The following OR56A3 variants were observed in gnomAD, a reference collection of about 807,000 sequenced individuals.
The protein encoded by OR56A3 is olfactory receptor family 56 subfamily A member 3.
OR56A3 carries 23 observed loss-of-function variants against 17.5 expected under a neutral mutation model. That is an observed-to-expected ratio of 1.32 (90% CI 0.95 to 1.87). The LOEUF (loss-of-function observed/expected upper bound fraction) is 1.87, where lower values mean the gene tolerates loss of function less well. OR56A3 is among the 40% of genes most tolerant of loss of function. The pLI is 0.00. For synonymous variants in OR56A3, 175 were observed against 150.6 expected, an observed-to-expected ratio of 1.16 and a Z score of -1.19; for missense variants, 366 against 380.1, an observed-to-expected ratio of 0.96 and a Z score of 0.31.
the OR56A3 span, among the ~76,000 whole-genome samples, chr11:5,962,570 C>T: frequency 1.9e-4 from 27 of 141,352 alleles, no homozygotes; most frequent in Admixed American, 1.5e-4. Flanking sequence ...CTCTCTCTGT[C>T]GCCCAGGCCA....
chr11:6,003,048 G>A, the OR56A3 span: 1 of 1,613,914 alleles, frequency 6.2e-7, no homozygotes, highest in Non-Finnish European at 8.5e-7. Flanking sequence ...TAGTAGAGAA[G>A]TACAGAAACA....
At chr11:5,942,581 A>C (rs1847845523) in intron 1 of OR56A3, among the ~76,000 whole-genome samples, 1 of 152,240 alleles carries the variant, frequency 6.6e-6, no homozygotes, top group Non-Finnish European at 1.5e-5. Context: ...GAAAACAAAG[A>C]ATATGCCTAC....
chr11:6,002,949 A>G, the OR56A3 span: 1 of 1,613,958 alleles, frequency 6.2e-7, no homozygotes. Context: ...GATGAGGAGG[A>G]ATTCAGAGAC....
chr11:6,001,931 G>A, the OR56A3 span: 1 of 977,394 alleles, frequency 1.0e-6, no homozygotes, highest in Non-Finnish European at 1.5e-6. Context: ...GAGAACAGAA[G>A]AATCCGAACT....
At chr11:5,954,501 T>A (rs1467266906), downstream of OR56A3, among the ~76,000 whole-genome samples, 3 of 152,218 alleles carry the variant, frequency 2.0e-5, no homozygotes, top group Non-Finnish European at 4.4e-5. Context: ...CAAGTTTGAA[T>A]TGAATAATTT....
chr11:6,015,194 A>C, the OR56A3 span, among the ~76,000 whole-genome samples: 2 of 152,248 alleles, frequency 1.3e-5, no homozygotes, highest in Admixed American at 6.5e-5. Context: ...AATGGGGAAA[A>C]AAAATCTCAA....
At chr11:5,993,177 T>C in the OR56A3 span, among the ~76,000 whole-genome samples, 2 of 152,182 alleles carry the variant, frequency 1.3e-5, no homozygotes, top group Non-Finnish European at 2.9e-5. Flanking sequence ...TTTGCGATTT[T>C]AGTACTCAGG....
the OR56A3 span, chr11:5,986,226 G>T: frequency 6.2e-7 from 1 of 1,613,754 alleles, no homozygotes; most frequent in African/African-American, 1.3e-5. Context: ...TGTGGGCATA[G>T]GAAACACCAA....
At chr11:5,968,203 G>T in the OR56A3 span, 1 of 1,614,234 alleles carries the variant, frequency 6.2e-7, no homozygotes, top group Non-Finnish European at 8.5e-7. Context: ...AAGCAGGCAG[G>T]GAAGCTGATT....
At chr11:5,987,889 G>C in the OR56A3 span, among the ~76,000 whole-genome samples, 1 of 151,988 alleles carries the variant, frequency 6.6e-6, no homozygotes, top group African/African-American at 2.4e-5. Flanking sequence ...CTGAAGTCAT[G>C]GGTTTTTTTT....
chr11:5,971,647 A>C, the OR56A3 span, among the ~76,000 whole-genome samples: 1 of 152,244 alleles, frequency 6.6e-6, no homozygotes, highest in South Asian at 2.1e-4. Flanking sequence ...ATGGAGTTAT[A>C]GACATAAATA....
the OR56A3 span, among the ~76,000 whole-genome samples, chr11:5,971,399 T>C: frequency 1.3e-5 from 2 of 152,372 alleles, no homozygotes; most frequent in Admixed American, 6.5e-5. Context: ...TTGTGCTTTT[T>C]CCTGCCTCTT....
the OR56A3 span, chr11:6,006,874 C>T: frequency 6.6e-6 from 1 of 152,522 alleles, no homozygotes; most frequent in Non-Finnish European, 1.5e-5. Context: ...CACTCATCAG[C>T]ATCCTCTTCC....
the OR56A3 span, among the ~76,000 whole-genome samples, chr11:5,982,816 A>G: frequency 6.6e-6 from 1 of 152,140 alleles, no homozygotes; most frequent in Admixed American, 6.5e-5. Flanking sequence ...CTAGGATTCC[A>G]GAGGTACATG....
chr11:6,008,291 C>T, the OR56A3 span, among the ~76,000 whole-genome samples: 1 of 152,168 alleles, frequency 6.6e-6, no homozygotes, highest in East Asian at 1.9e-4. Flanking sequence ...GTAACTCTGG[C>T]CGCATCTCTA....
At chr11:5,994,578 G>A in the OR56A3 span, 46 of 895,362 alleles carry the variant, frequency 5.1e-5, no homozygotes, top group Non-Finnish European at 7.4e-5. Context: ...AGCTGCAGCC[G>A]AGTGACATTG....
At chr11:6,021,653 G>A in the OR56A3 span, 1 of 151,440 alleles carries the variant, frequency 6.6e-6, no homozygotes, top group Non-Finnish European at 1.5e-5. Flanking sequence ...TTAGGATAAT[G>A]GGAACATTAA....
the OR56A3 span, among the ~76,000 whole-genome samples, chr11:5,978,413 A>G: frequency 1.3e-5 from 2 of 152,032 alleles, no homozygotes; most frequent in Non-Finnish European, 2.9e-5. Context: ...CTGGTTGTAG[A>G]GATATTTTAT....
chr11:5,956,178 T>C (rs1452312381), downstream of OR56A3, among the ~76,000 whole-genome samples: 1 of 152,262 alleles, frequency 6.6e-6, no homozygotes, highest in Non-Finnish European at 1.5e-5. Flanking sequence ...TGGCCAAAGA[T>C]GTATTTGATG....
Sources: gnomAD v4.1 joint callset for allele counts (sites outside exome capture counted in the v4.1 genomes callset) on GRCh38, gnomAD v4.1.1 for gene constraint, MANE v1.5 for transcripts, NCBI Gene and HGNC (gene_info 2026-07-23, HGNC 2026-07-21) for gene names.